The following ARHGAP17 variants were observed in gnomAD, a reference collection of about 807,000 sequenced individuals.
ARHGAP17 encodes the protein Rho GTPase activating protein 17.
A neutral mutation model predicts 99.5 loss-of-function variants in ARHGAP17; 57 were observed. The observed-to-expected ratio is 0.57, with a 90% CI of 0.46 to 0.71. ARHGAP17 has a LOEUF of 0.71. Ranked by LOEUF, ARHGAP17 falls within the 30% of genes least tolerant of loss-of-function variation. ARHGAP17 has a pLI of 0.00. For missense variants in ARHGAP17, 1,000 were observed against 1,122.4 expected (o/e 0.89, Z 1.56); for synonymous variants, 417 against 429.6 (o/e 0.97, Z 0.36).
At chr16:24,948,062 C>T (rs1338596580) in intron 13 of ARHGAP17, among the ~76,000 whole-genome samples, 2 of 152,022 alleles carry the variant, frequency 1.3e-5, no homozygotes, top group African/African-American at 4.8e-5. Context: ...CATATAAAGG[C>T]AAAAACGTAA....
chr16:24,947,305 A>T (rs1485892966), intron 14 of ARHGAP17, among the ~76,000 whole-genome samples, 177 bp downstream of exon 14: 2 of 152,236 alleles, frequency 1.3e-5, no homozygotes, highest in Non-Finnish European at 2.9e-5. Context: ...TGTCACCACC[A>T]GCTGGGACAG....
chr16:25,011,840 C>G (rs891851320), intron 1 of ARHGAP17, among the ~76,000 whole-genome samples: 2 of 152,068 alleles, frequency 1.3e-5, no homozygotes, highest in African/African-American at 4.8e-5. Flanking sequence ...CAAAAGAGAC[C>G]TAATCAATAC....
At chr16:24,988,684 C>A (rs1232884838) in intron 1 of ARHGAP17, among the ~76,000 whole-genome samples, 5 of 152,184 alleles carry the variant, frequency 3.3e-5, no homozygotes, top group Non-Finnish European at 7.3e-5. Context: ...CTTACCCACG[C>A]AGCGTTTTGT....
At chr16:24,970,606 T>C (rs1358382030) in intron 3 of ARHGAP17, 26 bp from the exon 4 acceptor site, 11 of 1,595,040 alleles carry the variant, frequency 6.9e-6, no homozygotes, top group Non-Finnish European at 9.5e-6. Context: ...CAGTGTGTGT[T>C]TTTCTCATTA....
At chr16:24,975,005 TTAGCCAGGCTTGG>T (rs770116001) in intron 3 of ARHGAP17, among the ~76,000 whole-genome samples, 3 of 151,948 alleles carry the variant, frequency 2.0e-5, no homozygotes, top group Non-Finnish European at 2.9e-5. Context: ...AAACAAACAA[TTAGCCAGGCTTGG>T]TGGCGCAAGC....
At chr16:24,944,999 G>A (rs2051426283) in intron 14 of ARHGAP17, among the ~76,000 whole-genome samples, 1 of 151,788 alleles carries the variant, frequency 6.6e-6, no homozygotes, top group Non-Finnish European at 1.5e-5. Context: ...CAAGATGAGT[G>A]TTCAGATGTT....
intron 3 of ARHGAP17, 55 bp from the exon 4 acceptor site, chr16:24,970,635 T>A: frequency 2.0e-6 from 3 of 1,491,242 alleles, no homozygotes; most frequent in Non-Finnish European, 2.8e-6. Flanking sequence ...CCATTCTCAA[T>A]GATCTTTTTC....
intron 16 of ARHGAP17, 125 bp from the exon 17 acceptor site, chr16:24,939,722 A>G: frequency 4.8e-6 from 5 of 1,051,112 alleles, no homozygotes; most frequent in Non-Finnish European, 7.1e-6. Context: ...CATGCAGTGA[A>G]GCGGCAAGGA....
chr16:24,954,291 C>T (rs935856735), intron 10 of ARHGAP17, among the ~76,000 whole-genome samples: 1 of 152,192 alleles, frequency 6.6e-6, no homozygotes, highest in African/African-American at 2.4e-5. Context: ...TGTCACAAAT[C>T]ACAACCAGAG....
intron 1 of ARHGAP17, among the ~76,000 whole-genome samples, chr16:24,984,357 A>G (rs117897582): frequency 0.011 from 1,729 of 152,234 alleles, 97 homozygotes; most frequent in Admixed American, 0.078. Flanking sequence ...CAAGCTCAGC[A>G]CCTTCCTGCC....
At chr16:24,932,866 CTAAG>C (rs1453780721) in intron 18 of ARHGAP17, among the ~76,000 whole-genome samples, 3 of 151,876 alleles carry the variant, frequency 2.0e-5, no homozygotes, top group African/African-American at 7.3e-5. Context: ...TACTGGTTCT[CTAAG>C]AAAGAAGGAG....
chr16:24,949,071 T>C (rs2051556320), intron 13 of ARHGAP17: 2 of 194,406 alleles, frequency 1.0e-5, no homozygotes, highest in Non-Finnish European at 2.1e-5. Flanking sequence ...TATTGATTAA[T>C]TTTGCCTTTT....
At position 24,920,055 on chromosome 16, in the gene ARHGAP17, G is replaced by A. The variant is rs1343171594; in HGVS notation, c.*75C>T. 1.1e-5 allele frequency: 18 copies of A among 1,571,000 alleles called. No individual in the cohort carries two copies. The highest frequency in any genetic ancestry group is 1.6e-5 in the Non-Finnish European group (18 of 1,152,834). On this transcript the variant is annotated 3_prime_UTR_variant, in exon 20 of 20. Transcript: ENST00000289968. ...CTGAAAGCTTTTCACTGTTCGGTCT[G>A]CAAAGAAAGAGGTTCGCCTGCCCCT... is the stretch of plus-strand genomic sequence containing the variant.
chr16:25,008,164 C>T (rs187906724), intron 1 of ARHGAP17, among the ~76,000 whole-genome samples: 1 of 152,184 alleles, frequency 6.6e-6, no homozygotes, highest in African/African-American at 2.4e-5. Flanking sequence ...ATCCCTATCA[C>T]CATTTTGTAA....
At position 24,985,847 on chromosome 16, in the gene ARHGAP17, TAC is replaced by T. The variant is rs953213770; in HGVS notation, c.54-6844_54-6843del. ...GTACACACACATACATGCACACCCA[TAC>T]ACACACACACAGATGCACACAGGTA... On this transcript the variant is annotated intron_variant, in intron 1 of 19. Transcript: ENST00000289968. Among the ~76,000 whole-genome samples the T allele has an allele frequency of 8.6e-5, 13 of 151,226 alleles. No individual in the cohort carries two copies. The East Asian group carries it at 1.2e-3, about 14-fold the overall frequency.
At chr16:24,993,014 T>G (rs2053093962) in intron 1 of ARHGAP17, among the ~76,000 whole-genome samples, 1 of 152,162 alleles carries the variant, frequency 6.6e-6, no homozygotes, top group Non-Finnish European at 1.5e-5. Context: ...TTGTCCACAC[T>G]GGTTTCAAAC....
intron 19 of ARHGAP17, among the ~76,000 whole-genome samples, chr16:24,928,138 CT>C (rs934455983): frequency 1.3e-5 from 2 of 152,196 alleles, no homozygotes; most frequent in African/African-American, 4.8e-5. Context: ...TTTTTTCCTC[CT>C]TGAAAAACCC....
rs547463714 is a variant in ARHGAP17, at chr16:24,986,274, G to A, written c.54-7269C>T. Among the ~76,000 whole-genome samples the A allele has an allele frequency of 2.6e-5, 4 of 152,298 alleles. No homozygotes were observed. The East Asian group carries it at 5.8e-4, about 22-fold the overall frequency. On this transcript the variant is annotated intron_variant, in intron 1 of 19. Coordinates refer to ENST00000289968, the MANE Select transcript of ARHGAP17 (RefSeq NM_001006634.3). ...TTCCCCCATTTTACCTATAAGGAAA[G>A]TGAGGTCTTGAAAGGTAACTTGCCT...
At chr16:25,009,009 C>T (rs553264847) in intron 1 of ARHGAP17, among the ~76,000 whole-genome samples, 6 of 152,232 alleles carry the variant, frequency 3.9e-5, no homozygotes, top group South Asian at 2.1e-4. Flanking sequence ...GGAATCCACT[C>T]AGATTGAAGC....
Sources: gnomAD v4.1 joint callset for allele counts (sites outside exome capture counted in the v4.1 genomes callset) on GRCh38, gnomAD v4.1.1 for gene constraint, MANE v1.5 for transcripts, NCBI Gene and HGNC (gene_info 2026-07-23, HGNC 2026-07-21) for gene names.